Variants in DIAPH3 observed in about 807,000 individuals in gnomAD.
The protein encoded by DIAPH3 is protein diaphanous homolog 3.
In DIAPH3, 117 loss-of-function variants were observed where a neutral mutation model predicts 144.3. That is an observed-to-expected ratio of 0.81 (90% CI 0.70 to 0.95). DIAPH3 has a LOEUF of 0.95. Among genes scored for constraint, DIAPH3 ranks in the 40% least tolerant of loss-of-function variants. DIAPH3 has a pLI of 0.00. For synonymous variants in DIAPH3, 519 were observed against 488.9 expected (o/e 1.06, Z -0.81); for missense variants, 1,421 against 1,412.7 (o/e 1.01, Z -0.09).
At chr13:59,675,607 A>G (rs2032608279) in intron 27 of DIAPH3, among the ~76,000 whole-genome samples, 1 of 152,080 alleles carries the variant, frequency 6.6e-6, no homozygotes, top group African/African-American at 2.4e-5. Context: ...GATGGTCTCG[A>G]TCTCCTGAGC....
At chr13:59,696,688 A>G (rs1286373349) in intron 27 of DIAPH3, among the ~76,000 whole-genome samples, 3 of 152,206 alleles carry the variant, frequency 2.0e-5, no homozygotes, top group African/African-American at 7.2e-5. Flanking sequence ...GTATTTTTAT[A>G]TACTAGTACA....
At chr13:59,788,573 G>A (rs1354555405) in intron 25 of DIAPH3, among the ~76,000 whole-genome samples, 1 of 152,160 alleles carries the variant, frequency 6.6e-6, no homozygotes, top group Non-Finnish European at 1.5e-5. Context: ...AAGGGTGTCT[G>A]TTATATTGTT....
intron 4 of DIAPH3, among the ~76,000 whole-genome samples, chr13:60,073,075 GAGGC>G (rs1375841155): frequency 6.6e-6 from 1 of 152,136 alleles, no homozygotes. Context: ...TTGGGAGGGT[GAGGC>G]AGGCAGATCA....
chr13:59,731,487 A>T (rs2138982900), intron 27 of DIAPH3, among the ~76,000 whole-genome samples: 2 of 152,340 alleles, frequency 1.3e-5, no homozygotes, highest in African/African-American at 4.8e-5. Flanking sequence ...GTCAAGCAAT[A>T]GCACAACAAA....
intron 10 of DIAPH3, 39 bp from the exon 11 acceptor site, chr13:59,992,225 T>C (rs1277902640): frequency 1.3e-6 from 2 of 1,507,142 alleles, no homozygotes; most frequent in South Asian, 1.1e-5. Context: ...AATGATTTTG[T>C]TTTTAATTAT....
rs73544306 is a variant in DIAPH3, at chr13:59,716,113, T to C, written c.3320-49267A>G. Among the ~76,000 whole-genome samples the C allele has an allele frequency of 7.9e-3, 1,207 of 152,280 alleles. 24 individuals are homozygous for C. Among genetic ancestry groups the C allele is most frequent in the African/African-American group, 0.027 (1,142 of 41,560 alleles). On this transcript the variant is annotated intron_variant, in intron 27 of 27. Coordinates refer to ENST00000400324, the MANE Select transcript of DIAPH3 (RefSeq NM_001042517.2). ...ATGACTATTTTTAAGTTAAAATGCA[T>C]TAATATTCATGATTCTGCCTTTCTT... is the stretch of plus-strand genomic sequence containing the variant.
intron 22 of DIAPH3, among the ~76,000 whole-genome samples, chr13:59,841,398 C>T (rs2042333874): frequency 6.6e-6 from 1 of 151,824 alleles, no homozygotes; most frequent in Non-Finnish European, 1.5e-5. Context: ...CAAGACCAGC[C>T]TGGACAACAA....
intron 9 of DIAPH3, among the ~76,000 whole-genome samples, chr13:59,996,743 G>A (rs767468150): frequency 6.6e-6 from 1 of 152,024 alleles, no homozygotes; most frequent in African/African-American, 2.4e-5. Context: ...GTGGGGCAGA[G>A]CGAGTCAAAG....
intron 17 of DIAPH3, among the ~76,000 whole-genome samples, chr13:59,949,319 A>G (rs1297398329): frequency 9.2e-5 from 14 of 152,196 alleles, no homozygotes; most frequent in Non-Finnish European, 1.5e-5. Context: ...ATGGCCTCCC[A>G]TGAATTTTGT....
chr13:60,040,771 T>A (rs895012841), intron 5 of DIAPH3, among the ~76,000 whole-genome samples: 1 of 152,060 alleles, frequency 6.6e-6, no homozygotes, highest in African/African-American at 2.4e-5. Flanking sequence ...ACGATGTGAA[T>A]CTGCTTTGTT....
chr13:60,042,789 G>A lies in DIAPH3; in HGVS notation c.527C>T (p.Pro176Leu). 5 of 1,613,596 alleles carry A rather than the reference G, an allele frequency of 3.1e-6. No homozygotes were observed. Among genetic ancestry groups the A allele is most frequent in the Non-Finnish European group, 4.2e-6 (5 of 1,179,724 alleles). ...GSLKRSRQISPQEFIHELKMG... is the reference protein window; with the variant it reads ...GSLKRSRQISLQEFIHELKMG... ...TTTCAGCTCATGAATGAATTCCTGA[G>A]GTGAGATCTGTCGGCTTCTCTTAAG... Residue 176 changes from proline to leucine, a missense_variant, in exon 5 of 28, where the codon CCT (proline) becomes CTT (leucine). By Grantham distance (98) the Pro-to-Leu change is moderately conservative. Transcript: ENST00000400324.
chr13:59,774,339 A>T, intron 26 of DIAPH3, 91 bp from the exon 27 acceptor site: 1 of 1,104,388 alleles, frequency 9.1e-7, no homozygotes, highest in Non-Finnish European at 1.3e-6. Flanking sequence ...TTCCAAGGTT[A>T]TGTATTTCTG....
intron 5 of DIAPH3, among the ~76,000 whole-genome samples, chr13:60,024,972 C>T (rs2054279785): frequency 6.6e-6 from 1 of 152,086 alleles, no homozygotes; most frequent in Non-Finnish European, 1.5e-5. Context: ...GTTGTGAAAG[C>T]CCTGACTCTA....
chr13:60,100,060 T>C (rs1012685112), intron 3 of DIAPH3, among the ~76,000 whole-genome samples: 1 of 152,036 alleles, frequency 6.6e-6, no homozygotes, highest in Admixed American at 6.6e-5. Flanking sequence ...AGTATTAGAT[T>C]ATAACCTAAA....
At chr13:59,903,824 C>T (rs1430973957) in intron 20 of DIAPH3, among the ~76,000 whole-genome samples, 1 of 152,144 alleles carries the variant, frequency 6.6e-6, no homozygotes, top group African/African-American at 2.4e-5. Context: ...TTCTTTATTT[C>T]ATACATTCAC....
intron 3 of DIAPH3, among the ~76,000 whole-genome samples, chr13:60,095,082 G>A (rs1332566549): frequency 2.0e-5 from 3 of 152,004 alleles, no homozygotes; most frequent in African/African-American, 7.3e-5. Context: ...ATTTACAGGG[G>A]GTAGCATCAC....
intron 5 of DIAPH3, among the ~76,000 whole-genome samples, chr13:60,022,536 T>C (rs1161006281): frequency 9.9e-5 from 15 of 152,198 alleles, no homozygotes; most frequent in Admixed American, 9.2e-4. Flanking sequence ...GCAGGGCTGC[T>C]GCCTGGGACT....
chr13:59,901,728 T>C (rs1341648475), intron 20 of DIAPH3, among the ~76,000 whole-genome samples: 1 of 152,206 alleles, frequency 6.6e-6, no homozygotes, highest in African/African-American at 2.4e-5. Flanking sequence ...GGAGACAAAG[T>C]ATTTGAAGAA....
In DIAPH3 at chr13:59,763,647, G is replaced by C. The variant is rs575443965; in HGVS notation, c.3319+10542C>G. ...TGCAGTGAGTTATGATCATACCACT[G>C]CACTTCCGCCTAGGCAACAGAGAGA... On this transcript the variant is annotated intron_variant, in intron 27 of 27. Coordinates refer to ENST00000400324, the MANE Select transcript of DIAPH3 (RefSeq NM_001042517.2). Among the ~76,000 whole-genome samples the C allele has an allele frequency of 3.9e-5, 6 of 152,178 alleles. No homozygotes were observed. The South Asian group carries it at 1.2e-3, about 32-fold the overall frequency.
Sources: allele counts gnomAD v4.1 joint callset (sites outside exome capture counted in the v4.1 genomes callset), GRCh38; gene constraint gnomAD v4.1.1; transcripts MANE v1.5; gene names NCBI Gene and HGNC (gene_info 2026-07-23, HGNC 2026-07-21).